The following ERBB4 variants were observed in gnomAD, a reference collection of about 807,000 sequenced individuals.
ERBB4 encodes the protein erb-b2 receptor tyrosine kinase 4, also known as receptor tyrosine-protein kinase erbB-4.
ERBB4 carries 42 observed loss-of-function variants against 158.0 expected under a neutral mutation model. The observed-to-expected ratio is 0.27, with a 90% CI of 0.21 to 0.34. ERBB4 has a LOEUF of 0.34. Ranked by LOEUF, ERBB4 falls within the 10% of genes least tolerant of loss-of-function variation. ERBB4 has a pLI of 1.00. For missense variants in ERBB4, 1,333 were observed against 1,624.1 expected, an observed-to-expected ratio of 0.82 and a Z score of 3.08; for synonymous variants, 583 against 558.7, an observed-to-expected ratio of 1.04 and a Z score of -0.61.
At chr2:211,695,739 C>T (rs903795921) in intron 12 of ERBB4, among the ~76,000 whole-genome samples, 4 of 151,886 alleles carry the variant, frequency 2.6e-5, no homozygotes, top group African/African-American at 4.8e-5. Flanking sequence ...TTTTCTTCTG[C>T]GTAAAAAAGA....
intron 3 of ERBB4, among the ~76,000 whole-genome samples, chr2:211,809,517 T>C (rs1273680330): frequency 6.6e-6 from 1 of 152,236 alleles, no homozygotes; most frequent in Non-Finnish European, 1.5e-5. Context: ...TTTGTATTTC[T>C]GTGGGATTGG....
intron 2 of ERBB4, among the ~76,000 whole-genome samples, chr2:212,001,939 T>C (rs944172194): frequency 1.3e-5 from 2 of 152,214 alleles, no homozygotes; most frequent in South Asian, 2.1e-4. Flanking sequence ...AGCGTGACCA[T>C]TAAATTACAC....
At chr2:212,327,911 G>C (rs530473155) in intron 1 of ERBB4, among the ~76,000 whole-genome samples, 1 of 150,254 alleles carries the variant, frequency 6.7e-6, no homozygotes, top group South Asian at 2.1e-4. Context: ...TACTCTTTCT[G>C]CTTTAATCAC....
At chr2:212,451,945 T>A (rs114325560) in intron 1 of ERBB4, among the ~76,000 whole-genome samples, 1 of 151,566 alleles carries the variant, frequency 6.6e-6, no homozygotes, top group Non-Finnish European at 1.5e-5. Flanking sequence ...TGTAGCACAA[T>A]AGAACAACAG....
At chr2:211,588,277 G>A (rs888991021) in intron 19 of ERBB4, among the ~76,000 whole-genome samples, 1 of 151,836 alleles carries the variant, frequency 6.6e-6, no homozygotes, top group Non-Finnish European at 1.5e-5. Flanking sequence ...AGATAATATG[G>A]GTATGAAAAT....
At chr2:212,431,448 C>A (rs1171629659) in intron 1 of ERBB4, among the ~76,000 whole-genome samples, 1 of 152,034 alleles carries the variant, frequency 6.6e-6, no homozygotes, top group Admixed American at 6.6e-5. Context: ...TTCTCACCAC[C>A]CCCACTGCTT....
At chr2:211,715,720 T>C (rs571064114) in intron 7 of ERBB4, among the ~76,000 whole-genome samples, 1 of 152,258 alleles carries the variant, frequency 6.6e-6, no homozygotes, top group East Asian at 1.9e-4. Flanking sequence ...GAAGACATAA[T>C]TGCTTCTCTT....
At chr2:212,264,903 A>G (rs1282789571) in intron 1 of ERBB4, among the ~76,000 whole-genome samples, 1 of 152,122 alleles carries the variant, frequency 6.6e-6, no homozygotes, top group African/African-American at 2.4e-5. Context: ...AACTCTGGAT[A>G]GCTACTGGTG....
At chr2:211,836,853 T>C (rs1472300100) in intron 3 of ERBB4, among the ~76,000 whole-genome samples, 5 of 151,928 alleles carry the variant, frequency 3.3e-5, no homozygotes, top group South Asian at 2.1e-4. Context: ...GTTATTAAAT[T>C]ATAAGGAAGC....
At chr2:212,516,821 G>C in intron 1 of ERBB4, among the ~76,000 whole-genome samples, 1 of 152,118 alleles carries the variant, frequency 6.6e-6, no homozygotes, top group East Asian at 1.9e-4. Context: ...CTTGGTCTTT[G>C]TCTTTGTACA....
intron 2 of ERBB4, among the ~76,000 whole-genome samples, chr2:212,073,719 T>C (rs1196619404): frequency 1.3e-5 from 2 of 151,858 alleles, no homozygotes; most frequent in Non-Finnish European, 2.9e-5. Flanking sequence ...GCAGGTTCAG[T>C]GAGAGACAAA....
At chr2:211,839,152 AAGGAGGAGGAGGAGGAGGAGGAGG>A (rs71409858) in intron 3 of ERBB4, among the ~76,000 whole-genome samples, 26,771 of 110,918 alleles carry the variant, frequency 0.24, 3,038 homozygotes, top group South Asian at 0.42. Context: ...GGAGAGAGAG[AAGGAGGAGGAGGAGGAGGAGGAGG>A]AGGAGGAGGA....
At chr2:211,877,783 ATGT>A (rs2078548387) in intron 3 of ERBB4, among the ~76,000 whole-genome samples, 1 of 152,184 alleles carries the variant, frequency 6.6e-6, no homozygotes, top group African/African-American at 2.4e-5. Context: ...TTTACATTGT[ATGT>A]CTTCAAATTT....
chr2:211,832,002 C>T (rs2077231983), intron 3 of ERBB4, among the ~76,000 whole-genome samples: 1 of 152,102 alleles, frequency 6.6e-6, no homozygotes, highest in East Asian at 1.9e-4. Flanking sequence ...TCTGCAGTAA[C>T]AGGACAAATG....
chr2:212,426,127 A>T (rs904319139), intron 1 of ERBB4: 16 of 321,394 alleles, frequency 5.0e-5, no homozygotes, highest in Non-Finnish European at 1.0e-4. Flanking sequence ...CAACTTTGTA[A>T]ATATATTACT....
At chr2:211,999,750 G>A (rs1486421972) in intron 2 of ERBB4, among the ~76,000 whole-genome samples, 1 of 151,648 alleles carries the variant, frequency 6.6e-6, no homozygotes, top group Non-Finnish European at 1.5e-5. Context: ...TGTGTGTGTT[G>A]AAGATTGATT....
In ERBB4 at chr2:211,400,672, G is replaced by T. The variant is rs2371265; in HGVS notation, c.3136-12680C>A. ...GTAAGAGGAAGTGGGGATGGTTAAT[G>T]GGTACAAAAAAAAAATAGAGTAAAT... On this transcript the variant is annotated intron_variant, in intron 25 of 27. Transcript: ENST00000342788. Among the ~76,000 whole-genome samples, 926 of 151,004 alleles carry T rather than the reference G, an allele frequency of 6.1e-3. 11 individuals carry two copies. Among genetic ancestry groups the T allele is most frequent in the South Asian group, 0.02 (98 of 4,790 alleles).
chr2:212,017,887 T>C (rs1419105487), intron 2 of ERBB4, among the ~76,000 whole-genome samples: 1 of 152,132 alleles, frequency 6.6e-6, no homozygotes, highest in African/African-American at 2.4e-5. Flanking sequence ...CACTGAAAAT[T>C]TTCTATCTTG....
At chr2:212,349,093 T>C (rs1220993012) in intron 1 of ERBB4, among the ~76,000 whole-genome samples, 2 of 152,098 alleles carry the variant, frequency 1.3e-5, no homozygotes, top group East Asian at 3.9e-4. Flanking sequence ...GTGACACGAA[T>C]ATAGGTATCA....
Sources: gnomAD v4.1 joint callset for allele counts (sites outside exome capture counted in the v4.1 genomes callset) on GRCh38, gnomAD v4.1.1 for gene constraint, MANE v1.5 for transcripts, NCBI Gene and HGNC (gene_info 2026-07-23, HGNC 2026-07-21) for gene names.